TANGO6: variants seen among roughly 807,000 people sequenced by gnomAD.
TANGO6 encodes the protein transport and golgi organization 6 homolog, also known as transport and Golgi organization protein 6 homolog.
Under a neutral mutation model 114.2 loss-of-function variants are expected in TANGO6, and 90 were observed. The ratio of observed to expected loss-of-function variants is 0.79; its 90% CI spans 0.66 to 0.94. The LOEUF (loss-of-function observed/expected upper bound fraction) is 0.94, where lower values mean the gene tolerates loss of function less well. Among genes scored for constraint, TANGO6 ranks in the 40% least tolerant of loss-of-function variants. The probability of loss-of-function intolerance (pLI) is 0.00; values close to 1 mark genes in which losing one functional copy is unlikely to be tolerated. For missense variants in TANGO6, 1,274 were observed against 1,315.3 expected, an observed-to-expected ratio of 0.97 and a Z score of 0.49; for synonymous variants, 477 against 509.8, an observed-to-expected ratio of 0.94 and a Z score of 0.87.
chr16:68,999,729 ACT>A (rs1964022583), intron 15 of TANGO6, among the ~76,000 whole-genome samples: 1 of 152,204 alleles, frequency 6.6e-6, no homozygotes, highest in African/African-American at 2.4e-5. Context: ...AGATTTTCTG[ACT>A]CTGAAAAACA....
intron 17 of TANGO6, among the ~76,000 whole-genome samples, chr16:69,047,052 G>A (rs572915547): frequency 2.7e-5 from 4 of 150,574 alleles, no homozygotes; most frequent in Admixed American, 6.7e-5. Context: ...GTGGTGGTCC[G>A]TGCCTATAAT....
At chr16:69,058,025 T>C (rs1960059567) in intron 17 of TANGO6, among the ~76,000 whole-genome samples, 1 of 152,214 alleles carries the variant, frequency 6.6e-6, no homozygotes, top group African/African-American at 2.4e-5. Flanking sequence ...GGGGAGTCAG[T>C]CCTGGGACTT....
chr16:69,059,179 A>G (rs1035248423), intron 17 of TANGO6, among the ~76,000 whole-genome samples: 4 of 151,492 alleles, frequency 2.6e-5, no homozygotes, highest in African/African-American at 9.7e-5. Flanking sequence ...GGTTCAAGCA[A>G]TTATCCCACC....
At chr16:69,065,500 C>G (rs1469239901) in intron 17 of TANGO6, among the ~76,000 whole-genome samples, 3 of 152,114 alleles carry the variant, frequency 2.0e-5, no homozygotes, top group Non-Finnish European at 4.4e-5. Context: ...CACATGATAC[C>G]CGCCTCATCT....
At chr16:68,940,886 A>T (rs1478777473) in intron 14 of TANGO6, among the ~76,000 whole-genome samples, 1 of 152,192 alleles carries the variant, frequency 6.6e-6, no homozygotes. Flanking sequence ...TTCCTATTGA[A>T]ATATAGGAAT....
chr16:68,928,610 T>C (rs937116031), intron 13 of TANGO6, among the ~76,000 whole-genome samples: 1 of 152,052 alleles, frequency 6.6e-6, no homozygotes, highest in Non-Finnish European at 1.5e-5. Context: ...TTCAAAATTT[T>C]TGCATGCAAG....
intron 17 of TANGO6, among the ~76,000 whole-genome samples, chr16:69,069,002 C>G (rs1226457342): frequency 1.3e-5 from 2 of 152,170 alleles, no homozygotes; most frequent in Non-Finnish European, 2.9e-5. Flanking sequence ...CAGGCATGAG[C>G]CACCGTACCC....
At chr16:68,994,540 G>A (rs1963973667) in intron 15 of TANGO6, among the ~76,000 whole-genome samples, 4 of 151,682 alleles carry the variant, frequency 2.6e-5, no homozygotes, top group Admixed American at 2.0e-4. Context: ...TTGCTAAGAG[G>A]TGATGGCAGC....
At chr16:68,932,419 G>A (rs1963255079) in intron 14 of TANGO6, among the ~76,000 whole-genome samples, 2 of 152,240 alleles carry the variant, frequency 1.3e-5, no homozygotes, top group South Asian at 4.1e-4. Context: ...AGGGGAGAGG[G>A]CTAAAATTGT....
At chr16:69,051,268 C>T (rs1438933869) in intron 17 of TANGO6, among the ~76,000 whole-genome samples, 4 of 152,074 alleles carry the variant, frequency 2.6e-5, no homozygotes, top group Non-Finnish European at 5.9e-5. Flanking sequence ...CGGCTGAGCA[C>T]GGTGGCTCAC....
intron 7 of TANGO6, among the ~76,000 whole-genome samples, chr16:68,893,753 C>T (rs974544800): frequency 1.0e-5 from 1 of 99,646 alleles, no homozygotes; most frequent in African/African-American, 3.9e-5. Context: ...AAAAAGAAAA[C>T]AACCAAAAAA....
At position 68,985,734 on chromosome 16, in the gene TANGO6, T is replaced by G. The variant is rs1243607851; in HGVS notation, c.2842+11566T>G. On this transcript the variant is annotated intron_variant, in intron 15 of 17. Transcript: ENST00000261778. The stretch of plus-strand genomic sequence containing the variant: ...TCTCAAAAAACACATTTTTTAAATT[T>G]AATTTTAAAAGATACTTAGTGCCAA... Among the ~76,000 whole-genome samples the G allele has an allele frequency of 2.6e-5, 4 of 152,210 alleles. No homozygotes were observed. In the East Asian group the frequency reaches 7.7e-4, roughly 29 times the overall value.
At chr16:68,890,791 C>G (rs1476580203) in intron 7 of TANGO6, among the ~76,000 whole-genome samples, 1 of 152,038 alleles carries the variant, frequency 6.6e-6, no homozygotes, top group Non-Finnish European at 1.5e-5. Flanking sequence ...GAGGCCAAGG[C>G]AGTTCGATCA....
intron 16 of TANGO6, 90 bp downstream of exon 16, chr16:69,023,069 T>C: frequency 7.3e-7 from 1 of 1,374,524 alleles, no homozygotes; most frequent in Non-Finnish European, 9.7e-7. Flanking sequence ...CCTGGGCTCT[T>C]TTTGCAGATC....
intron 14 of TANGO6, among the ~76,000 whole-genome samples, chr16:68,956,067 C>T (rs1963527252): frequency 6.6e-6 from 1 of 152,124 alleles, no homozygotes; most frequent in African/African-American, 2.4e-5. Context: ...AGGAGAATTG[C>T]TTGAACTCAG....
In TANGO6 at chr16:68,907,537, T is replaced by C. The variant is rs1215548759; in HGVS notation, c.1762T>C (p.Cys588Arg). ...LGDLLSHCQECGLAGDFFIFC... is the reference protein window; with the variant it reads ...LGDLLSHCQERGLAGDFFIFC... Reference sequence around the variant, plus strand: ...GGACTTGCTGTCCCACTGCCAGGAATGCGGTTTGGCAGGAGACTTCTTCAT... The same window carrying C: ...GGACTTGCTGTCCCACTGCCAGGAACGCGGTTTGGCAGGAGACTTCTTCAT... Residue 588 changes from cysteine to arginine, a missense_variant, in exon 10 of 18, where the codon TGC (cysteine) becomes CGC (arginine). By Grantham distance (180) the Cys-to-Arg change is radical. Around this residue, in one of 5 missense-constraint regions of TANGO6, gnomAD observed 908 missense variants for 910.2 expected, o/e 1.00. Transcript: ENST00000261778. 2 of 1,613,738 alleles carry C rather than the reference T, an allele frequency of 1.2e-6. No homozygotes were observed. The highest frequency in any genetic ancestry group is 2.2e-5 in the East Asian group (1 of 44,858).
intron 14 of TANGO6, among the ~76,000 whole-genome samples, chr16:68,939,848 T>C (rs1372244210): frequency 6.6e-6 from 1 of 152,216 alleles, no homozygotes; most frequent in Admixed American, 6.5e-5. Flanking sequence ...CATCTCATAG[T>C]TGTCTATGCA....
At chr16:68,898,636 G>A (rs892163582) in intron 7 of TANGO6, among the ~76,000 whole-genome samples, 2 of 151,944 alleles carry the variant, frequency 1.3e-5, no homozygotes, top group Non-Finnish European at 2.9e-5. Flanking sequence ...CATCACACTG[G>A]GCCGCTTTCA....
chr16:69,056,301 C>T (rs1030945098), intron 17 of TANGO6, among the ~76,000 whole-genome samples: 1 of 152,140 alleles, frequency 6.6e-6, no homozygotes, highest in South Asian at 2.1e-4. Flanking sequence ...CTAGCTTTTG[C>T]TTTACTCTTC....
Sources: allele counts gnomAD v4.1 joint callset (sites outside exome capture counted in the v4.1 genomes callset), GRCh38; gene constraint gnomAD v4.1.1; regional missense constraint gnomAD v4.1.1; transcripts MANE v1.5; gene names NCBI Gene and HGNC (gene_info 2026-07-23, HGNC 2026-07-21).